The following TTBK2 variants were observed in gnomAD, a reference collection of about 807,000 sequenced individuals.
TTBK2 encodes the protein tau tubulin kinase 2.
A neutral mutation model predicts 110.8 loss-of-function variants in TTBK2; 28 were observed. That is an observed-to-expected ratio of 0.25 (90% CI 0.19 to 0.35). The LOEUF is 0.35. Among genes scored for constraint, TTBK2 ranks in the 10% least tolerant of loss-of-function variants. The pLI is 1.00. For synonymous variants in TTBK2, 532 were observed against 527.3 expected, an observed-to-expected ratio of 1.01 and a Z score of -0.12; for missense variants, 1,369 against 1,500.3, an observed-to-expected ratio of 0.91 and a Z score of 1.45.
rs774031787 is a variant in TTBK2, at chr15:42,747,092, G to C, written c.3273-835C>G. Reference sequence around the variant, plus strand: ...CAATCCTCCCACCTCAGCCTCCTGAGTAGCTGGGATGACAGGTGTGCACCT... The same window carrying C: ...CAATCCTCCCACCTCAGCCTCCTGACTAGCTGGGATGACAGGTGTGCACCT... On this transcript the variant is annotated intron_variant, in intron 14 of 14. Transcript: ENST00000267890. 1.2e-4 allele frequency among the ~76,000 whole-genome samples: 19 copies of C among 152,024 alleles called. No homozygotes were observed. The East Asian group carries it at 3.7e-3, about 29-fold the overall frequency.
intron 2 of TTBK2, among the ~76,000 whole-genome samples, chr15:42,875,253 C>A (rs762106842): frequency 6.6e-6 from 1 of 151,998 alleles, no homozygotes; most frequent in Non-Finnish European, 1.5e-5. Context: ...ATTGGCCTGA[C>A]AAAGCCCTAA....
intron 3 of TTBK2, chr15:42,857,587 A>G (rs1893992974): frequency 6.6e-6 from 1 of 152,246 alleles, no homozygotes; most frequent in Non-Finnish European, 1.5e-5. Flanking sequence ...TTTCCTCTCC[A>G]ATGAGTCTCT....
intron 3 of TTBK2, among the ~76,000 whole-genome samples, chr15:42,844,063 C>A (rs1411918697): frequency 6.6e-6 from 1 of 152,106 alleles, no homozygotes; most frequent in African/African-American, 2.4e-5. Flanking sequence ...CACACATCAT[C>A]CTCAATGAGC....
intron 3 of TTBK2, among the ~76,000 whole-genome samples, chr15:42,858,566 CACA>C (rs1894033275): frequency 2.6e-5 from 4 of 151,942 alleles, no homozygotes; most frequent in African/African-American, 9.7e-5. Context: ...TTTCCAGTTC[CACA>C]AGTGAGGAAC....
chr15:42,837,290 G>T (rs868437337), intron 4 of TTBK2, among the ~76,000 whole-genome samples: 1 of 149,878 alleles, frequency 6.7e-6, no homozygotes, highest in African/African-American at 2.5e-5. Flanking sequence ...CCTGGGAGGC[G>T]AAGGTTGCAG....
intron 13 of TTBK2, among the ~76,000 whole-genome samples, chr15:42,762,408 T>C (rs1486886788): frequency 6.6e-6 from 1 of 152,034 alleles, no homozygotes; most frequent in African/African-American, 2.4e-5. Flanking sequence ...CAACAACAGA[T>C]GAGTGGATAA....
chr15:42,904,539 A>G (rs2030259692), intron 1 of TTBK2, among the ~76,000 whole-genome samples: 1 of 152,234 alleles, frequency 6.6e-6, no homozygotes, highest in African/African-American at 2.4e-5. Flanking sequence ...GAATTCGGAC[A>G]AAGATGCTAA....
chr15:42,906,717 G>T (rs1004087844), intron 1 of TTBK2, among the ~76,000 whole-genome samples: 1 of 152,080 alleles, frequency 6.6e-6, no homozygotes. Flanking sequence ...CACAGCAAAG[G>T]AAACAATCAA....
chr15:42,802,718 T>C (rs974381039), intron 9 of TTBK2, among the ~76,000 whole-genome samples: 3 of 152,114 alleles, frequency 2.0e-5, no homozygotes, highest in Non-Finnish European at 2.9e-5. Flanking sequence ...CATCATACAG[T>C]GTACTGTGAT....
intron 1 of TTBK2, among the ~76,000 whole-genome samples, chr15:42,894,328 T>C (rs1895583805): frequency 6.6e-6 from 1 of 152,138 alleles, no homozygotes; most frequent in Non-Finnish European, 1.5e-5. Flanking sequence ...GCCTAGATTT[T>C]TTTTCCAATG....
At chr15:42,801,209 C>T (rs770271150) in intron 9 of TTBK2, 1 of 1,479,860 alleles carries the variant, frequency 6.8e-7, no homozygotes, top group Admixed American at 1.7e-5. Context: ...TCCCAGACTC[C>T]AGCCAGCTCT....
chr15:42,748,964 A>G (rs1046606474), intron 14 of TTBK2, among the ~76,000 whole-genome samples: 1 of 152,232 alleles, frequency 6.6e-6, no homozygotes, highest in African/African-American at 2.4e-5. Context: ...CATTTATCAA[A>G]TCATGGACAA....
At chr15:42,883,543 A>C (rs1412851739) in intron 1 of TTBK2, among the ~76,000 whole-genome samples, 2 of 152,004 alleles carry the variant, frequency 1.3e-5, no homozygotes, top group African/African-American at 4.8e-5. Flanking sequence ...GGTAAAAAGT[A>C]GATATATCGT....
intron 13 of TTBK2, among the ~76,000 whole-genome samples, chr15:42,759,644 C>T (rs572482614): frequency 3.3e-5 from 5 of 152,340 alleles, no homozygotes; most frequent in African/African-American, 1.2e-4. Context: ...CACAGAGACA[C>T]TTGCAAACAT....
At chr15:42,746,397 A>T in intron 14 of TTBK2, 140 bp from the exon 15 acceptor site, 1 of 684,892 alleles carries the variant, frequency 1.5e-6, no homozygotes, top group South Asian at 1.9e-5. Flanking sequence ...TCTGTCATAT[A>T]CTAGTTGTAT....
chr15:42,811,510 C>T (rs895644866), intron 8 of TTBK2, among the ~76,000 whole-genome samples, 178 bp downstream of exon 8: 2 of 152,142 alleles, frequency 1.3e-5, no homozygotes, highest in South Asian at 2.1e-4. Context: ...AGAAAAATCT[C>T]ATAACATTAA....
chr15:42,749,826 TAGTC>T (rs1422934003), intron 14 of TTBK2, among the ~76,000 whole-genome samples: 3 of 152,136 alleles, frequency 2.0e-5, no homozygotes, highest in East Asian at 1.9e-4. Flanking sequence ...CTACTATGCT[TAGTC>T]AGGAAAAAGT....
intron 3 of TTBK2, among the ~76,000 whole-genome samples, chr15:42,870,105 C>T (rs1894554890): frequency 1.3e-5 from 2 of 151,690 alleles, no homozygotes; most frequent in African/African-American, 2.4e-5. Flanking sequence ...ACCCAGGAGG[C>T]GGAGGTTGCA....
intron 13 of TTBK2, among the ~76,000 whole-genome samples, chr15:42,774,673 AAT>A (rs1889822743): frequency 1.3e-5 from 2 of 152,290 alleles, no homozygotes; most frequent in South Asian, 4.1e-4. Flanking sequence ...GTTTAACAGG[AAT>A]ATGAAGTATG....
Sources: allele counts gnomAD v4.1 joint callset (sites outside exome capture counted in the v4.1 genomes callset), GRCh38; gene constraint gnomAD v4.1.1; transcripts MANE v1.5; gene names NCBI Gene and HGNC (gene_info 2026-07-23, HGNC 2026-07-21).